Variants in PCNP observed in about 807,000 individuals in gnomAD.
PCNP encodes PEST proteolytic signal-containing nuclear protein.
PCNP carries 6 observed loss-of-function variants against 21.8 expected under a neutral mutation model. The ratio of observed to expected loss-of-function variants is 0.28; its 90% CI spans 0.15 to 0.54. The LOEUF is 0.54. Among genes scored for constraint, PCNP ranks in the 20% least tolerant of loss-of-function variants. The pLI, the probability that PCNP is intolerant of heterozygous loss-of-function variation, is 0.95. For synonymous variants in PCNP, 67 were observed against 73.2 expected, an observed-to-expected ratio of 0.92 and a Z score of 0.43; for missense variants, 161 against 215.5, an observed-to-expected ratio of 0.75 and a Z score of 1.58.
chr3:101,575,571 C>CA (rs1188602404), intron 1 of PCNP, among the ~76,000 whole-genome samples: 3 of 150,168 alleles, frequency 2.0e-5, no homozygotes, highest in Admixed American at 6.6e-5. Context: ...TTTTTTTTCC[C>CA]AAAAAAATTG....
At chr3:101,578,356 G>T (rs1030751755) in intron 1 of PCNP, among the ~76,000 whole-genome samples, 1 of 152,210 alleles carries the variant, frequency 6.6e-6, no homozygotes, top group Non-Finnish European at 1.5e-5. Context: ...CTCTTTCAGA[G>T]ATATTCTGTG....
Position 101,580,047 on chromosome 3 carries a change from G to A in PCNP, c.279+43G>A, listed in dbSNP as rs747870670. The A allele has an allele frequency of 2.1e-6, 3 of 1,428,322 alleles. No homozygotes were observed. The African/African-American group carries it at 4.2e-5, about 20-fold the overall frequency. The allele number at this position is 1,428,322 out of a possible 1,614,324, so 88.5% of individuals were successfully genotyped here. A position where few individuals can be genotyped will look rare whatever the true frequency, so the allele number is the denominator to read the frequency against. On this transcript the variant is annotated intron_variant, in intron 2 of 4. Transcript: ENST00000265260. ...ATATGATGTTTGTAATGGGTCTTAA[G>A]GATTTGCTTTGGAAACGTGGCGTTT...
At chr3:101,584,531 C>A (rs1935392882) in intron 2 of PCNP, among the ~76,000 whole-genome samples, 1 of 152,084 alleles carries the variant, frequency 6.6e-6, no homozygotes, top group Non-Finnish European at 1.5e-5. Context: ...AGCATTGTTA[C>A]AGAAGCCAAG....
chr3:101,576,432 T>C (rs967164284), intron 1 of PCNP: 4 of 1,265,804 alleles, frequency 3.2e-6, no homozygotes, highest in Non-Finnish European at 4.3e-6. Context: ...ATTTTTTTTA[T>C]TTTTTATTTT....
intron 3 of PCNP, among the ~76,000 whole-genome samples, chr3:101,586,330 T>C (rs1935503179): frequency 6.6e-6 from 1 of 152,116 alleles, no homozygotes; most frequent in Non-Finnish European, 1.5e-5. Context: ...TGATAGTGTC[T>C]TTGTCCCAAT....
chr3:101,582,550 G>GT (rs1935280350), intron 2 of PCNP, among the ~76,000 whole-genome samples: 2 of 152,310 alleles, frequency 1.3e-5, no homozygotes, highest in East Asian at 3.9e-4. Flanking sequence ...TGTGAAGATA[G>GT]TTAATCAGCC....
intron 4 of PCNP, among the ~76,000 whole-genome samples, chr3:101,590,761 C>G (rs887952945): frequency 6.6e-6 from 1 of 152,074 alleles, no homozygotes; most frequent in Non-Finnish European, 1.5e-5. Flanking sequence ...GTTGCCCAGG[C>G]TGGTCTGTAA....
At chr3:101,579,641 A>G in intron 1 of PCNP, 149 bp from the exon 2 acceptor site, 1 of 723,620 alleles carries the variant, frequency 1.4e-6, no homozygotes, top group Non-Finnish European at 2.6e-6. Flanking sequence ...CCTGCTGTAT[A>G]CTCTAACAAA....
rs137862577 is a variant in PCNP, at chr3:101,593,334, G to T, written c.*581G>T. On this transcript the variant is annotated 3_prime_UTR_variant, in exon 5 of 5. Coordinates refer to ENST00000265260, the MANE Select transcript of PCNP (RefSeq NM_020357.3). The stretch of plus-strand genomic sequence containing the variant: ...GGATACAGACGCTTAGCTCTTAAAA[G>T]ATTTTTTTTTTATGTAAACTGTTGA... 2 of 152,556 alleles carry T rather than the reference G, an allele frequency of 1.3e-5. No homozygotes were observed. Among genetic ancestry groups the T allele is most frequent in the African/African-American group, 4.8e-5 (2 of 41,542 alleles). 9.5% of individuals were successfully genotyped at this position (152,556 alleles called of 1,614,324 possible).
intron 1 of PCNP, among the ~76,000 whole-genome samples, chr3:101,576,044 A>G (rs1242718631): frequency 6.6e-6 from 1 of 152,150 alleles, no homozygotes; most frequent in Non-Finnish European, 1.5e-5. Flanking sequence ...TTTTAATGAA[A>G]TTGTGCATAG....
At chr3:101,589,888 C>T in intron 3 of PCNP, 1 of 234,950 alleles carries the variant, frequency 4.3e-6, no homozygotes, top group Non-Finnish European at 8.2e-6. Flanking sequence ...ATAATCATAC[C>T]TCCCTCATGC....
At position 101,585,309 on chromosome 3, in the gene PCNP, G is replaced by A. The variant is rs1935439940; in HGVS notation, c.280-128G>A. The A allele has an allele frequency of 5.2e-6, 3 of 581,732 alleles. No individual in the cohort carries two copies. In the East Asian group the frequency reaches 9.2e-5, roughly 18 times the overall value. The allele number at this position is 581,732 out of a possible 1,614,324, so 36.0% of individuals were successfully genotyped here. On this transcript the variant is annotated intron_variant, in intron 2 of 4. Transcript: ENST00000265260. Reference sequence around the variant, plus strand: ...AGAGAATGGATTTGTCCAAAGTATTGGGTTCGTTACTATACAAATTTCTGT... The same window carrying A: ...AGAGAATGGATTTGTCCAAAGTATTAGGTTCGTTACTATACAAATTTCTGT...
intron 3 of PCNP, among the ~76,000 whole-genome samples, chr3:101,588,706 A>G (rs751627690): frequency 6.6e-6 from 1 of 152,214 alleles, no homozygotes; most frequent in Non-Finnish European, 1.5e-5. Context: ...ATTTTTGAAG[A>G]GTACAGGCCA....
At chr3:101,582,795 G>C (rs1935293964) in intron 2 of PCNP, among the ~76,000 whole-genome samples, 1 of 152,208 alleles carries the variant, frequency 6.6e-6, no homozygotes, top group Non-Finnish European at 1.5e-5. Flanking sequence ...GTAGGCAGGA[G>C]CAAAAGGGCA....
chr3:101,576,786 C>G, intron 1 of PCNP: 2 of 1,611,530 alleles, frequency 1.2e-6, no homozygotes, highest in Non-Finnish European at 1.7e-6. Context: ...CTCCCGCCCT[C>G]TTGGTGAGGT....
chr3:101,592,086 A>G (rs116230397), intron 4 of PCNP, among the ~76,000 whole-genome samples: 2,412 of 151,942 alleles, frequency 0.016, 59 homozygotes, highest in African/African-American at 0.055. Context: ...CCTCACCCCC[A>G]ATTTAGGCCT....
chr3:101,577,519 AG>A (rs541624310), intron 1 of PCNP, among the ~76,000 whole-genome samples: 85 of 152,264 alleles, frequency 5.6e-4, no homozygotes, highest in African/African-American at 1.9e-3. Context: ...CTTTCTTATT[AG>A]GTAGTTTTTT....
chr3:101,582,654 A>G (rs575091295), intron 2 of PCNP, among the ~76,000 whole-genome samples: 2 of 152,368 alleles, frequency 1.3e-5, no homozygotes, highest in Admixed American at 6.5e-5. Context: ...TCTCTAACTG[A>G]ACATGTTTTA....
At chr3:101,576,555 G>T in intron 1 of PCNP, 1 of 1,610,884 alleles carries the variant, frequency 6.2e-7, no homozygotes, top group Non-Finnish European at 8.5e-7. Flanking sequence ...GCTGGCCTCG[G>T]ACACGAAGGC....
Sources: gnomAD v4.1 joint callset for allele counts (sites outside exome capture counted in the v4.1 genomes callset) on GRCh38, gnomAD v4.1.1 for gene constraint, MANE v1.5 for transcripts, NCBI Gene and HGNC (gene_info 2026-07-23, HGNC 2026-07-21) for gene names.